The following LTBP3 variants were observed in gnomAD, a reference collection of about 807,000 sequenced individuals.
The protein encoded by LTBP3 is latent-transforming growth factor beta-binding protein 3.
Under a neutral mutation model 159.7 loss-of-function variants are expected in LTBP3, and 97 were observed. The ratio of observed to expected loss-of-function variants is 0.61; its 90% confidence interval spans 0.52 to 0.72. The LOEUF (loss-of-function observed/expected upper bound fraction) is 0.72, where lower values mean the gene tolerates loss of function less well. Among genes scored for constraint, LTBP3 ranks in the 30% least tolerant of loss-of-function variants. LTBP3 has a pLI of 0.00. For missense variants in LTBP3, 1,584 were observed against 1,864.3 expected (o/e 0.85, Z 2.77); for synonymous variants, 824 against 777.1 (o/e 1.06, Z -1.00).
chr11:65,551,303 C>T lies in LTBP3; in HGVS notation c.1622-79G>A, dbSNP rs1856603894. 1.3e-6 allele frequency: 2 copies of T among 1,539,484 alleles called. No individual in the cohort carries two copies. The highest frequency in any genetic ancestry group is 2.4e-5 in the East Asian group (1 of 41,860). ...TCCACTTCAGTCTTGGCCCGGCGCC[C>T]CACCCCAGCTTGACTGTCCCCGAGT... On this transcript the variant is annotated intron_variant, in intron 10 of 27. Coordinates refer to ENST00000301873, the MANE Select transcript of LTBP3 (RefSeq NM_001130144.3).
chr11:65,552,467 C>T lies in LTBP3; in HGVS notation c.1187-61G>A, dbSNP rs1489374697. 8 of 1,594,472 alleles carry T rather than the reference C, an allele frequency of 5.0e-6. No individual in the cohort carries two copies. In the East Asian group the frequency reaches 1.6e-4, roughly 31 times the overall value. ...CTGCACATTGCCCACGTCCCTCTGC[C>T]CAGCTGCTGCAGACCTTGCCTCTCC... On this transcript the variant is annotated intron_variant, in intron 6 of 27. Transcript: ENST00000301873. This position sits in a 1 kb window ranked among gnomAD's most constrained non-coding sequence, Gnocchi z 6.0.
chr11:65,538,837 T>C lies in LTBP3; in HGVS notation c.*243A>G, dbSNP rs1302523544. 5 of 814,332 alleles carry C rather than the reference T, an allele frequency of 6.1e-6. No individual in the cohort carries two copies. Among genetic ancestry groups the C allele is most frequent in the Non-Finnish European group, 8.9e-6 (5 of 563,222 alleles). The allele number at this position is 814,332 out of a possible 1,614,324, so 50.4% of individuals were successfully genotyped here. A position where few individuals can be genotyped will look rare whatever the true frequency, so the allele number is the denominator to read the frequency against. ...CAAGGGTAAAGAGGCACGATCTGAT[T>C]TATCAGTTTCTAGGAAACACCCTCT... On this transcript the variant is annotated 3_prime_UTR_variant, in exon 28 of 28. Transcript: ENST00000301873.
Position 65,557,845 on chromosome 11 carries a change from C to G in LTBP3, c.115G>C (p.Gly39Arg). Residue 39 changes from glycine (G) to arginine (R), a missense_variant, in exon 1 of 28, where the codon GGC becomes CGC. This residue lies in a region of LTBP3 where 79 missense variants were observed against 64.7 expected (regional missense o/e 1.22). Coordinates refer to ENST00000301873, the MANE Select transcript of LTBP3 (RefSeq NM_001130144.3). ...LLLLLLLGLGGRVEGGPAGER... is the reference protein window; with the variant it reads ...LLLLLLLGLGRRVEGGPAGER... ...CCGGCCGGCCCCCCCTCGACCCTGCCGCCCAGGCCCAGCAGCAGCAGCAGC... is the reference window on the plus strand; with the variant it reads ...CCGGCCGGCCCCCCCTCGACCCTGCGGCCCAGGCCCAGCAGCAGCAGCAGC... 2.2e-6 allele frequency: 3 copies of G among 1,349,960 alleles called. No individual in the cohort carries two copies. Among genetic ancestry groups the G allele is most frequent in the Middle Eastern group, 2.1e-4 (1 of 4,788 alleles). 83.6% of individuals were successfully genotyped at this position (1,349,960 alleles called of 1,614,324 possible).
rs1856392727 is a variant in LTBP3, at chr11:65,546,799, G to A, written c.2229C>T (p.Arg743=). The A allele has an allele frequency of 1.3e-6, 2 of 1,508,060 alleles. No homozygotes were observed. The highest frequency in any genetic ancestry group is 8.9e-7 in the Non-Finnish European group (1 of 1,121,964). 93.4% of individuals were successfully genotyped at this position (1,508,060 alleles called of 1,614,324 possible). A position where few individuals can be genotyped will look rare whatever the true frequency, so the allele number is the denominator to read the frequency against. ...CTCGGCTCCGGGCCCCGCCCTCACC[G>A]CGACAGGCCCCGCCCCCCTGGCTGC... ...GYRSQGGGAC[R]DVNECAEGSP... Residue 743 remains arginine (R), a splice_region_variant and synonymous_variant, in exon 15 of 28, where the codon CGC becomes CGT. Transcript: ENST00000301873. The surrounding 1 kb of genome is among the most constrained non-coding windows in gnomAD (Gnocchi z 4.0).
At chr11:65,539,481 G>A in intron 26 of LTBP3, 22 bp from the exon 27 acceptor site, 2 of 1,584,138 alleles carry the variant, frequency 1.3e-6, no homozygotes, top group African/African-American at 1.3e-5. Context: ...GGAACAATAT[G>A]GACTTCAACA....
Position 65,541,147 on chromosome 11 carries a change from G to A in LTBP3, c.2872C>T (p.Pro958Ser). 3.1e-6 allele frequency: 5 copies of A among 1,606,324 alleles called. No individual in the cohort carries two copies. Among genetic ancestry groups the A allele is most frequent in the Non-Finnish European group, 4.2e-6 (5 of 1,177,090 alleles). The change falls in exon 20 of 28, where the codon CCC becomes TCC. Residue 958 changes from proline (P) to serine (S), a missense_variant. Transcript: ENST00000301873. ...AGWGDHCEIY[P>S]CPVYSSAEFH... The stretch of plus-strand genomic sequence containing the variant: ...TGACCTGAGCTGTAGACTGGGCAGG[G>A]GTAGATTTCGCAGTGGTCGCCCCAG...
Position 65,553,800 on chromosome 11 carries a change from G to A in LTBP3, c.765C>T (p.Pro255=). ...TGGGGTGCGGCAGCAGGTGCTGGGAGGGGGCTGCGCTCTCGGCGTTCGAGC... is the reference window on the plus strand; with the variant it reads ...TGGGGTGCGGCAGCAGGTGCTGGGAAGGGGCTGCGCTCTCGGCGTTCGAGC... ...IESSNAESAA[P]SQHLLPHPKP... Residue 255 remains proline, a synonymous_variant, in exon 3 of 28, where the codon CCC becomes CCT. Transcript: ENST00000301873. This position sits in a 1 kb window ranked among gnomAD's most constrained non-coding sequence, Gnocchi z 6.5. 2 of 1,564,056 alleles carry A rather than the reference G, an allele frequency of 1.3e-6. No individual in the cohort carries two copies. Among genetic ancestry groups the A allele is most frequent in the Non-Finnish European group, 1.7e-6 (2 of 1,162,522 alleles).
At chr11:65,543,652 C>T in intron 16 of LTBP3, 103 bp from the exon 17 acceptor site, 2 of 1,458,952 alleles carry the variant, frequency 1.4e-6, no homozygotes, top group Admixed American at 1.7e-5. Flanking sequence ...GAGCTGAGGC[C>T]AGCAGCACTC....
chr11:65,557,854 C>CCAGCAGCAGCAGCAGCAGCAGCAG lies in LTBP3; in HGVS notation c.82_105dup (p.Leu28_Leu35dup). ...CCCCCCTCGACCCTGCCGCCCAGGC[C>CCAGCAGCAGCAGCAGCAGCAGCAG]CAGCAGCAGCAGCAGCAGCAGCAGC... is the stretch of plus-strand genomic sequence containing the variant. On this transcript the variant is annotated inframe_insertion, in exon 1 of 28. Coordinates refer to ENST00000301873, the MANE Select transcript of LTBP3 (RefSeq NM_001130144.3). 1 of 1,320,154 alleles carries CCAGCAGCAGCAGCAGCAGCAGCAG rather than the reference C, an allele frequency of 7.6e-7. No homozygotes were observed. Among genetic ancestry groups the CCAGCAGCAGCAGCAGCAGCAGCAG allele is most frequent in the Non-Finnish European group, 9.7e-7 (1 of 1,026,486 alleles). The allele number at this position is 1,320,154 out of a possible 1,614,324, so 81.8% of individuals were successfully genotyped here.
rs929730984 is a variant in LTBP3 at position 65,540,726 on chromosome 11, G to T, written c.2978-112C>A. 10 of 1,542,850 alleles carry T rather than the reference G, an allele frequency of 6.5e-6. No individual in the cohort carries two copies. The Admixed American group carries it at 1.3e-4, about 21-fold the overall frequency. Reference sequence around the variant, plus strand: ...CCCGGGCGGGGCCTACAGGAGGGGCGGGGCCTACAGGGCGGGGCCTGCGAG... The same window carrying T: ...CCCGGGCGGGGCCTACAGGAGGGGCTGGGCCTACAGGGCGGGGCCTGCGAG... On this transcript the variant is annotated intron_variant, in intron 21 of 27. Coordinates refer to ENST00000301873, the MANE Select transcript of LTBP3 (RefSeq NM_001130144.3).
Position 65,539,541 on chromosome 11 carries a change from C to T in LTBP3, c.3628+7G>A. 1 of 1,612,232 alleles carries T rather than the reference C, an allele frequency of 6.2e-7. No homozygotes were observed. The highest frequency in any genetic ancestry group is 8.5e-7 in the Non-Finnish European group (1 of 1,179,080). Reference sequence around the variant, plus strand: ...ACCCCGCCACCGCCCGACCCGGCAGCACTCACCTCTTGGGGGCTTCCCCAA... The same window carrying T: ...ACCCCGCCACCGCCCGACCCGGCAGTACTCACCTCTTGGGGGCTTCCCCAA... On this transcript the variant is annotated splice_region_variant and intron_variant, in intron 26 of 27. Transcript: ENST00000301873.
Position 65,546,370 on chromosome 11 carries a change from C to T in LTBP3, c.2353+72G>A, listed in dbSNP as rs775584369. 2 of 1,468,862 alleles carry T rather than the reference C, an allele frequency of 1.4e-6. No individual in the cohort carries two copies. Among genetic ancestry groups the T allele is most frequent in the African/African-American group, 1.4e-5 (1 of 70,446 alleles). The allele number at this position is 1,468,862 out of a possible 1,614,324, so 91.0% of individuals were successfully genotyped here. ...CCACCTTCCACCCACTGTTTACAGACAGCGTGACCCGCTCCCCGGCTTCAG... is the reference window on the plus strand; with the variant it reads ...CCACCTTCCACCCACTGTTTACAGATAGCGTGACCCGCTCCCCGGCTTCAG... On this transcript the variant is annotated intron_variant, in intron 16 of 27. Transcript: ENST00000301873. This position sits in a 1 kb window ranked among gnomAD's most constrained non-coding sequence, Gnocchi z 4.0.
At chr11:65,541,947 C>T in intron 18 of LTBP3, 1 of 550,492 alleles carries the variant, frequency 1.8e-6, no homozygotes, top group Non-Finnish European at 3.3e-6. Flanking sequence ...CCTTACAAAA[C>T]CTAAAAGTAT....
rs766976554 is a variant in LTBP3, at chr11:65,539,151, G to A, written c.3841C>T (p.Arg1281Cys). Residue 1281 changes from arginine to cysteine, a missense_variant, in exon 28 of 28, where the codon CGC becomes TGC. Transcript: ENST00000301873. ...GCGAAGCCGGCTTTGCAGACGCAGC[G>A]GAAGGAGCCGCTGGTGTTCACGCAG... is the stretch of plus-strand genomic sequence containing the variant. ...ERCVNTSGSF[R>C]CVCKAGFARS... The A allele has an allele frequency of 1.3e-6, 2 of 1,496,756 alleles. No individual in the cohort carries two copies. Among genetic ancestry groups the A allele is most frequent in the Non-Finnish European group, 8.9e-7 (1 of 1,118,770 alleles). The allele number at this position is 1,496,756 out of a possible 1,614,324, so 92.7% of individuals were successfully genotyped here.
At position 65,552,970 on chromosome 11, in the gene LTBP3, CA is replaced by C. The variant is rs1331906288; in HGVS notation, c.1075del (p.Cys359AlafsTer29). The C allele has an allele frequency of 2.5e-6, 4 of 1,614,076 alleles. No individual in the cohort carries two copies. Among genetic ancestry groups the C allele is most frequent in the Non-Finnish European group, 3.4e-6 (4 of 1,180,028 alleles). Reference sequence around the variant, plus strand: ...ATGGCGACACACGCCCGGCATTGCGCACTCGTTGATGTCTGTGGTAAGTGGA... The same window carrying C: ...ATGGCGACACACGCCCGGCATTGCGCCTCGTTGATGTCTGTGGTAAGTGGA... ...NSTHCQDINE[C>X]AMPGVCRHGD... On this transcript the variant is annotated frameshift_variant, in exon 6 of 28. Coordinates refer to ENST00000301873, the MANE Select transcript of LTBP3 (RefSeq NM_001130144.3). LOFTEE classifies it high-confidence loss of function. This position sits in a 1 kb window ranked among gnomAD's most constrained non-coding sequence, Gnocchi z 6.0.
Position 65,546,407 on chromosome 11 carries a change from C to T in LTBP3, c.2353+35G>A, listed in dbSNP as rs1277150090. The T allele has an allele frequency of 1.3e-6, 2 of 1,511,594 alleles. No homozygotes were observed. Among genetic ancestry groups the T allele is most frequent in the Non-Finnish European group, 8.8e-7 (1 of 1,135,748 alleles). The allele number at this position is 1,511,594 out of a possible 1,614,324, so 93.6% of individuals were successfully genotyped here. A position where few individuals can be genotyped will look rare whatever the true frequency, so the allele number is the denominator to read the frequency against. On this transcript the variant is annotated intron_variant, in intron 16 of 27. Transcript: ENST00000301873. The surrounding 1 kb of genome is among the most constrained non-coding windows in gnomAD (Gnocchi z 4.0). ...CTCCCCGGCTTCAGCGCGTAGGGGG[C>T]GGCGGAGGCCCGGGGCGGGGGTGCT...
intron 16 of LTBP3, chr11:65,544,486 G>C (rs1856282965): frequency 6.6e-6 from 1 of 152,378 alleles, no homozygotes; most frequent in South Asian, 2.1e-4. Context: ...TGTGGATCCT[G>C]GGTGCGGAGT....
chr11:65,539,525 C>T, intron 26 of LTBP3, 23 bp downstream of exon 26: 3 of 1,609,442 alleles, frequency 1.9e-6, no homozygotes, highest in Non-Finnish European at 2.5e-6. Flanking sequence ...AACCCCGCCA[C>T]CGCCCGACCC....
intron 16 of LTBP3, chr11:65,545,761 G>A: frequency 9.9e-6 from 2 of 201,682 alleles, no homozygotes; most frequent in East Asian, 1.5e-4. Flanking sequence ...AATGCTGCAG[G>A]TGCCCTCTAA....
Sources: allele counts gnomAD v4.1 joint callset, GRCh38; gene constraint gnomAD v4.1.1; regional missense constraint gnomAD v4.1.1; non-coding constraint Gnocchi (gnomAD v3.1); transcripts MANE v1.5; gene names NCBI Gene and HGNC (gene_info 2026-07-23, HGNC 2026-07-21).